DLC1: variants seen among roughly 807,000 people sequenced by gnomAD.
The protein encoded by DLC1 is rho GTPase-activating protein 7.
DLC1 carries 54 observed loss-of-function variants against 140.3 expected under a neutral mutation model. The observed-to-expected ratio is 0.38, with a 90% CI of 0.31 to 0.48. The LOEUF is 0.48. Among genes scored for constraint, DLC1 ranks in the 20% least tolerant of loss-of-function variants. DLC1 has a pLI of 0.96. For synonymous variants in DLC1, 986 were observed against 728.1 expected, an observed-to-expected ratio of 1.35 and a Z score of -5.70; for missense variants, 2,536 against 1,907.0, an observed-to-expected ratio of 1.33 and a Z score of -6.14.
chr8:13,584,909 C>A (rs1805246690), intron 1 of DLC1, among the ~76,000 whole-genome samples: 1 of 152,120 alleles, frequency 6.6e-6, no homozygotes, highest in African/African-American at 2.4e-5. Flanking sequence ...TATTTTCCTC[C>A]CCTCTTAATA....
At chr8:13,132,134 G>T (rs1822149630) in intron 5 of DLC1, among the ~76,000 whole-genome samples, 1 of 152,106 alleles carries the variant, frequency 6.6e-6, no homozygotes, top group South Asian at 2.1e-4. Flanking sequence ...CCGGGTCAAG[G>T]GGGTGGGCAT....
chr8:13,145,542 A>G (rs1223940315), intron 5 of DLC1, among the ~76,000 whole-genome samples: 1 of 152,214 alleles, frequency 6.6e-6, no homozygotes, highest in African/African-American at 2.4e-5. Flanking sequence ...TACTAGGGAA[A>G]CTGTTTCTTT....
In DLC1 at chr8:13,090,410, T is replaced by G. The variant is rs760325464; in HGVS notation, c.3916A>C (p.Thr1306Pro). 1.4e-5 allele frequency: 22 copies of G among 1,614,062 alleles called. No homozygotes were observed. The South Asian group carries it at 2.0e-4, about 15-fold the overall frequency. ...CCCAGGTGCCCGAGTGCTTCCAGAG[T>G]GAGGGGCTTCAGCTCTTGTTCGGTA... ...SYTEQELKPL[T>P]LEALGHLGND... is the part of the protein sequence containing the mutation. Residue 1306 changes from threonine to proline, a missense_variant, in exon 15 of 18, where the codon ACT becomes CCT. By Grantham distance (38) the Thr-to-Pro change is conservative. Transcript: ENST00000276297.
chr8:13,129,925 G>C (rs937336852), intron 5 of DLC1, among the ~76,000 whole-genome samples: 2 of 152,120 alleles, frequency 1.3e-5, no homozygotes, highest in African/African-American at 4.8e-5. Context: ...TTTTATTTTT[G>C]CATGGCCTCA....
At chr8:13,179,610 A>G (rs1399207805) in intron 5 of DLC1, among the ~76,000 whole-genome samples, 2 of 151,924 alleles carry the variant, frequency 1.3e-5, no homozygotes, top group Admixed American at 1.3e-4. Flanking sequence ...AGTCCCAGCT[A>G]TTTGGGAGGC....
At chr8:13,441,139 A>G (rs1050431436) in intron 2 of DLC1, among the ~76,000 whole-genome samples, 1 of 152,098 alleles carries the variant, frequency 6.6e-6, no homozygotes, top group African/African-American at 2.4e-5. Flanking sequence ...GCAGAAAAGG[A>G]CTTTGACAAA....
chr8:13,369,202 C>T (rs1233865169), intron 4 of DLC1, among the ~76,000 whole-genome samples: 1 of 152,086 alleles, frequency 6.6e-6, no homozygotes, highest in Non-Finnish European at 1.5e-5. Context: ...GCCTAGAGAA[C>T]ATGTGCTGTG....
At chr8:13,212,759 G>T (rs1299466941) in intron 5 of DLC1, among the ~76,000 whole-genome samples, 3 of 152,062 alleles carry the variant, frequency 2.0e-5, no homozygotes, top group African/African-American at 4.8e-5. Context: ...TAATCCTTCA[G>T]TTATCTCTGT....
chr8:13,472,177 C>G (rs980931347), intron 2 of DLC1, among the ~76,000 whole-genome samples: 3 of 152,158 alleles, frequency 2.0e-5, no homozygotes, highest in African/African-American at 4.8e-5. Flanking sequence ...TTATTTTTAA[C>G]TTTCCCAGGG....
intron 1 of DLC1, among the ~76,000 whole-genome samples, chr8:13,591,980 A>G (rs1409262768): frequency 6.6e-6 from 1 of 152,092 alleles, no homozygotes; most frequent in Non-Finnish European, 1.5e-5. Context: ...GGTTACAAGT[A>G]TCTGGAGTTT....
intron 1 of DLC1, among the ~76,000 whole-genome samples, chr8:13,603,306 A>T (rs1805949634): frequency 6.6e-6 from 1 of 151,774 alleles, no homozygotes; most frequent in South Asian, 2.1e-4. Flanking sequence ...ATCATTCATT[A>T]CGAGTCTTGG....
rs561081843 is a variant in DLC1 at position 13,084,101 on chromosome 8, T to C, written c.*1710A>G. On this transcript the variant is annotated 3_prime_UTR_variant, in exon 18 of 18. Transcript: ENST00000276297. ...AAAACCCAAAAGAATATCTGAGGTA[T>C]AAATACAAGTATATCTTAAATAATA... 1 of 152,700 alleles carries C rather than the reference T, an allele frequency of 6.5e-6. No homozygotes were observed. Among genetic ancestry groups the C allele is most frequent in the East Asian group, 1.9e-4 (1 of 5,192 alleles). 9.5% of individuals were successfully genotyped at this position (152,700 alleles called of 1,614,324 possible).
intron 7 of DLC1, among the ~76,000 whole-genome samples, chr8:13,108,203 T>G (rs1819751815): frequency 1.3e-5 from 2 of 152,152 alleles, no homozygotes; most frequent in Non-Finnish European, 2.9e-5. Flanking sequence ...GGTTTTCCAT[T>G]ACAAACCAGT....
intron 5 of DLC1, among the ~76,000 whole-genome samples, chr8:13,240,147 A>G (rs896100289): frequency 2.6e-5 from 4 of 152,098 alleles, no homozygotes; most frequent in African/African-American, 9.7e-5. Context: ...TTACACCTCA[A>G]GTAGATGTCT....
intron 4 of DLC1, chr8:13,339,929 T>C (rs968522572): frequency 1.3e-5 from 2 of 152,044 alleles, no homozygotes; most frequent in Non-Finnish European, 2.9e-5. Flanking sequence ...CAGCAATAAA[T>C]AAAACATAAA....
chr8:13,349,696 A>G (rs1028635202), intron 4 of DLC1, among the ~76,000 whole-genome samples: 1 of 152,228 alleles, frequency 6.6e-6, no homozygotes, highest in African/African-American at 2.4e-5. Flanking sequence ...TTTGTTGCTG[A>G]TGGTGTTGGG....
At chr8:13,516,567 T>C (rs763343884), upstream of DLC1, among the ~76,000 whole-genome samples, 1 of 152,190 alleles carries the variant, frequency 6.6e-6, no homozygotes, top group Non-Finnish European at 1.5e-5. Context: ...GAATGACTTA[T>C]ACTGTGCATG....
intron 2 of DLC1, among the ~76,000 whole-genome samples, chr8:13,467,608 A>G (rs1799999853): frequency 6.6e-6 from 1 of 152,018 alleles, no homozygotes; most frequent in Admixed American, 6.5e-5. Flanking sequence ...GTACGTGCCT[A>G]TGGTCCCAGC....
chr8:13,358,231 C>G lies in DLC1; in HGVS notation c.1314+35322G>C, dbSNP rs148101153. Among the ~76,000 whole-genome samples the G allele has an allele frequency of 7.6e-3, 1,157 of 152,300 alleles. 6 individuals carry two copies. Among genetic ancestry groups the G allele is most frequent in the African/African-American group, 0.013 (546 of 41,558 alleles). On this transcript the variant is annotated intron_variant, in intron 4 of 17. Coordinates refer to ENST00000276297, the MANE Select transcript of DLC1 (RefSeq NM_182643.3). ...AATTATATCAGAGCAAGCTTCTTTT[C>G]CATCCTACAAACACGCATAAAAATA...
Sources: allele counts gnomAD v4.1 joint callset (sites outside exome capture counted in the v4.1 genomes callset), GRCh38; gene constraint gnomAD v4.1.1; transcripts MANE v1.5; gene names NCBI Gene and HGNC (gene_info 2026-07-23, HGNC 2026-07-21).